Variants in ATP2B1 observed in about 807,000 individuals in gnomAD.
The protein encoded by ATP2B1 is plasma membrane calcium-transporting ATPase 1.
In ATP2B1, 14 loss-of-function variants were observed where a neutral mutation model predicts 124.2. The observed-to-expected ratio is 0.11, with a 90% CI of 0.07 to 0.18. The LOEUF is 0.18. ATP2B1 is among the 10% of genes least tolerant of loss of function. The probability of loss-of-function intolerance (pLI) is 1.00; values close to 1 mark genes in which losing one functional copy is unlikely to be tolerated. For missense variants in ATP2B1, 763 were observed against 1,466.1 expected (o/e 0.52, Z 7.83); for synonymous variants, 449 against 492.4 (o/e 0.91, Z 1.17).
chr12:89,605,183 C>T (rs1044298380), intron 15 of ATP2B1, among the ~76,000 whole-genome samples: 1 of 152,102 alleles, frequency 6.6e-6, no homozygotes, highest in African/African-American at 2.4e-5. Context: ...GTTATCTTTG[C>T]AGAGAGACAA....
chr12:89,616,876 C>T lies in ATP2B1; in HGVS notation c.1993G>A (p.Asp665Asn). 6.2e-7 allele frequency: 1 copy of T among 1,614,058 alleles called. No homozygotes were observed. Among genetic ancestry groups the T allele is most frequent in the Non-Finnish European group, 8.5e-7 (1 of 1,179,954 alleles). ...CCGGTGACAATATCATTTTCATTAT[C>T]CCACTCTGGTTCTGGTTCTCCTGCT... Reference protein sequence around the residue: ...FPAGEPEPEWDNENDIVTGLT... With the variant: ...FPAGEPEPEWNNENDIVTGLT... Residue 665 changes from aspartate to asparagine, a missense_variant, in exon 12 of 21, where the codon GAT (aspartate) becomes AAT (asparagine). Coordinates refer to ENST00000428670, the MANE Select transcript of ATP2B1 (RefSeq NM_001366521.1).
At position 89,627,085 on chromosome 12, in the gene ATP2B1, G is replaced by C. The variant is rs192210559; in HGVS notation, c.968-470C>G. Among the ~76,000 whole-genome samples, 4 of 152,072 alleles carry C rather than the reference G, an allele frequency of 2.6e-5. No homozygotes were observed. In the South Asian group the frequency reaches 8.3e-4, roughly 32 times the overall value. On this transcript the variant is annotated intron_variant, in intron 7 of 20. Coordinates refer to ENST00000428670, the MANE Select transcript of ATP2B1 (RefSeq NM_001366521.1). ...TGCTACTAACTATATAATAACCAGCGTTCAAATACTTGAAATACTTAAGTT... is the reference window on the plus strand; with the variant it reads ...TGCTACTAACTATATAATAACCAGCCTTCAAATACTTGAAATACTTAAGTT...
At position 89,601,431 on chromosome 12, in the gene ATP2B1, T is replaced by C. The variant is rs1288140759; in HGVS notation, c.3063A>G (p.Ile1021Met). The change falls in exon 19 of 21, where the codon ATA becomes ATG. Residue 1021 changes from isoleucine (I) to methionine (M), a missense_variant and splice_region_variant. Ile to Met is a conservative substitution (Grantham distance 10). Transcript: ENST00000428670. ...TIVLGTFVVQ[I>M]IIVQFGGKPF... Reference sequence around the variant, plus strand: ...GTTTTCCACCAAACTGCACAATTATTATCTGGAGGAATAATCAAGAGTAAA... The same window carrying C: ...GTTTTCCACCAAACTGCACAATTATCATCTGGAGGAATAATCAAGAGTAAA... The C allele has an allele frequency of 1.3e-6, 2 of 1,532,946 alleles. No homozygotes were observed. The highest frequency in any genetic ancestry group is 1.8e-6 in the Non-Finnish European group (2 of 1,142,220). The allele number at this position is 1,532,946 out of a possible 1,614,324, so 95.0% of individuals were successfully genotyped here.
chr12:89,596,397 G>C (rs1000895328), intron 20 of ATP2B1, among the ~76,000 whole-genome samples: 1 of 152,000 alleles, frequency 6.6e-6, no homozygotes, highest in Non-Finnish European at 1.5e-5. Flanking sequence ...ACAGGTTGGA[G>C]ACTAGACTCA....
At chr12:89,610,300 GA>G in intron 14 of ATP2B1, 120 bp downstream of exon 14, 1 of 915,910 alleles carries the variant, frequency 1.1e-6, no homozygotes, top group South Asian at 1.7e-5. Flanking sequence ...AATGTATTTA[GA>G]TTTTATTAAA....
chr12:89,659,253 G>T (rs1265161577), intron 1 of ATP2B1, among the ~76,000 whole-genome samples: 1 of 152,074 alleles, frequency 6.6e-6, no homozygotes. Flanking sequence ...AGAAGAGGGA[G>T]ATTTTAAAGA....
chr12:89,595,933 C>G (rs1403147746), intron 20 of ATP2B1, among the ~76,000 whole-genome samples: 1 of 152,056 alleles, frequency 6.6e-6, no homozygotes, highest in Non-Finnish European at 1.5e-5. Flanking sequence ...CTTTACTTCC[C>G]TGAAGTATCT....
In ATP2B1 at chr12:89,630,411, T is replaced by A. The variant is rs575205614; in HGVS notation, c.928+94A>T. 36 of 1,167,478 alleles carry A rather than the reference T, an allele frequency of 3.1e-5. No individual in the cohort carries two copies. In the South Asian group the frequency reaches 9.4e-4, roughly 30 times the overall value. The allele number at this position is 1,167,478 out of a possible 1,614,324, so 72.3% of individuals were successfully genotyped here. A position where few individuals can be genotyped will look rare whatever the true frequency, so the allele number is the denominator to read the frequency against. On this transcript the variant is annotated intron_variant, in intron 6 of 20. Coordinates refer to ENST00000428670, the MANE Select transcript of ATP2B1 (RefSeq NM_001366521.1). ...ATCTTCTTTTAACTTTTTGTAGAAT[T>A]TTTCATACCAGAATCTCTTGAAAGA... is the stretch of plus-strand genomic sequence containing the variant.
At chr12:89,638,769 T>A (rs571298393) in intron 3 of ATP2B1, among the ~76,000 whole-genome samples, 1 of 152,318 alleles carries the variant, frequency 6.6e-6, no homozygotes, top group South Asian at 2.1e-4. Context: ...CAGCAAAATA[T>A]TTTGATATAT....
intron 2 of ATP2B1, among the ~76,000 whole-genome samples, chr12:89,652,678 T>C (rs1885413896): frequency 1.3e-5 from 2 of 152,258 alleles, no homozygotes; most frequent in African/African-American, 4.8e-5. Context: ...TTATTTCCAC[T>C]AAGTTAAACT....
At chr12:89,623,509 G>A (rs1032075163) in intron 9 of ATP2B1, among the ~76,000 whole-genome samples, 1 of 152,114 alleles carries the variant, frequency 6.6e-6, no homozygotes, top group Non-Finnish European at 1.5e-5. Flanking sequence ...AAAACAAGAA[G>A]GACTGAGCTA....
chr12:89,613,612 T>TTTAAG (rs1287908078), intron 12 of ATP2B1, among the ~76,000 whole-genome samples: 1 of 152,218 alleles, frequency 6.6e-6, no homozygotes, highest in East Asian at 1.9e-4. Flanking sequence ...TCATTTGAGA[T>TTTAAG]AAAATCTATC....
chr12:89,689,607 C>G (rs967135346), intron 1 of ATP2B1, among the ~76,000 whole-genome samples: 1 of 152,114 alleles, frequency 6.6e-6, no homozygotes, highest in Non-Finnish European at 1.5e-5. Flanking sequence ...CAATTTGCAG[C>G]TCTGGGGCTG....
At chr12:89,677,589 C>T (rs1888763365) in intron 1 of ATP2B1, among the ~76,000 whole-genome samples, 1 of 152,088 alleles carries the variant, frequency 6.6e-6, no homozygotes, top group African/African-American at 2.4e-5. Context: ...CAAAGGAAAA[C>T]TGTACTGGAA....
chr12:89,689,684 T>C (rs557152936), intron 1 of ATP2B1, among the ~76,000 whole-genome samples: 39 of 152,268 alleles, frequency 2.6e-4, no homozygotes, highest in African/African-American at 9.1e-4. Context: ...TAACTTGCTA[T>C]ATATTTGTAG....
chr12:89,628,884 C>A (rs1272922965), intron 6 of ATP2B1, among the ~76,000 whole-genome samples: 2 of 152,092 alleles, frequency 1.3e-5, no homozygotes, highest in African/African-American at 2.4e-5. Context: ...ACTGAGGGAA[C>A]TGAGACACAT....
chr12:89,663,816 C>A (rs893941919), intron 1 of ATP2B1, among the ~76,000 whole-genome samples: 8 of 152,168 alleles, frequency 5.3e-5, no homozygotes, highest in Non-Finnish European at 1.0e-4. Flanking sequence ...CTTCTGCCTT[C>A]ATTTCTCTGA....
rs141587109 is a variant in ATP2B1 at position 89,629,807 on chromosome 12, G to C, written c.928+698C>G. Among the ~76,000 whole-genome samples, 729 of 152,316 alleles carry C rather than the reference G, an allele frequency of 4.8e-3. 5 individuals carry two copies. The highest frequency in any genetic ancestry group is 0.016 in the African/African-American group (681 of 41,560). On this transcript the variant is annotated intron_variant, in intron 6 of 20. Transcript: ENST00000428670. The stretch of plus-strand genomic sequence containing the variant: ...CCAGAGGGGTAATCCTGAGTGTGAA[G>C]GAAGGGTGGTATAGCAGACACTTAG...
intron 1 of ATP2B1, among the ~76,000 whole-genome samples, chr12:89,697,288 G>A (rs995813635): frequency 1.3e-5 from 2 of 152,054 alleles, no homozygotes; most frequent in African/African-American, 4.8e-5. Flanking sequence ...CTCAGGGGAA[G>A]ACTCAAGAAA....
Sources: allele counts gnomAD v4.1 joint callset (sites outside exome capture counted in the v4.1 genomes callset), GRCh38; gene constraint gnomAD v4.1.1; transcripts MANE v1.5; gene names NCBI Gene and HGNC (gene_info 2026-07-23, HGNC 2026-07-21).